Variants in GALNTL6 observed in about 807,000 individuals in gnomAD.
GALNTL6 encodes the protein polypeptide N-acetylgalactosaminyltransferase like 6.
GALNTL6 carries 46 observed loss-of-function variants against 73.7 expected under a neutral mutation model. The ratio of observed to expected loss-of-function variants is 0.62; its 90% CI spans 0.49 to 0.80. The LOEUF is 0.80. Ranked by LOEUF, GALNTL6 falls within the 30% of genes least tolerant of loss-of-function variation. The pLI is 0.00. For missense variants in GALNTL6, 604 were observed against 755.0 expected (o/e 0.80, Z 2.34); for synonymous variants, 259 against 263.7 (o/e 0.98, Z 0.17).
At chr4:172,955,766 G>A (rs1479262004) in intron 10 of GALNTL6, among the ~76,000 whole-genome samples, 1 of 152,104 alleles carries the variant, frequency 6.6e-6, no homozygotes, top group Non-Finnish European at 1.5e-5. Flanking sequence ...AAGGGAGATA[G>A]GGGTGGGGCC....
At chr4:172,605,816 G>A (rs530288396) in intron 5 of GALNTL6, among the ~76,000 whole-genome samples, 25 of 152,086 alleles carry the variant, frequency 1.6e-4, no homozygotes, top group Admixed American at 1.1e-3. Context: ...GATTTAATAC[G>A]TGAAGCAAAT....
At chr4:172,887,573 TTTA>T (rs1452918990) in intron 8 of GALNTL6, among the ~76,000 whole-genome samples, 30 of 150,060 alleles carry the variant, frequency 2.0e-4, no homozygotes, top group African/African-American at 7.3e-4. Context: ...TATTTATTTA[TTTA>T]TTTTTGAGAT....
At chr4:172,181,004 A>G (rs978186337) in intron 2 of GALNTL6, among the ~76,000 whole-genome samples, 25 of 152,124 alleles carry the variant, frequency 1.6e-4, no homozygotes, top group African/African-American at 4.6e-4. Flanking sequence ...AAGAAAGTCA[A>G]TGGTAGCTTG....
chr4:172,120,074 A>G (rs1185163514), intron 2 of GALNTL6, among the ~76,000 whole-genome samples: 1 of 152,212 alleles, frequency 6.6e-6, no homozygotes, highest in Non-Finnish European at 1.5e-5. Flanking sequence ...CAACGTATTG[A>G]GGATTTCTTC....
chr4:172,020,877 G>A (rs1741376168), intron 2 of GALNTL6, among the ~76,000 whole-genome samples: 1 of 151,982 alleles, frequency 6.6e-6, no homozygotes, highest in Non-Finnish European at 1.5e-5. Context: ...CCAACACCCT[G>A]ATAAATATTG....
intron 11 of GALNTL6, 101 bp from the exon 12 acceptor site, chr4:173,021,375 G>A (rs1257929145): frequency 2.5e-6 from 3 of 1,190,778 alleles, no homozygotes; most frequent in Non-Finnish European, 3.6e-6. Flanking sequence ...AGATCACAAA[G>A]CAGGAGTTCT....
intron 5 of GALNTL6, among the ~76,000 whole-genome samples, chr4:172,649,472 G>A (rs1740381611): frequency 6.6e-6 from 1 of 152,142 alleles, no homozygotes; most frequent in East Asian, 1.9e-4. Context: ...AAAAGAAACT[G>A]CCTGTATTTC....
At chr4:172,481,643 T>A (rs571415631) in intron 5 of GALNTL6, among the ~76,000 whole-genome samples, 1 of 152,282 alleles carries the variant, frequency 6.6e-6, no homozygotes, top group South Asian at 2.1e-4. Flanking sequence ...ATATTTACAA[T>A]CGTCTAGCTA....
chr4:172,639,614 T>G (rs1424151796), intron 5 of GALNTL6, among the ~76,000 whole-genome samples: 2 of 152,116 alleles, frequency 1.3e-5, no homozygotes, highest in African/African-American at 4.8e-5. Flanking sequence ...ATTATTACTT[T>G]ACAACTCTTC....
chr4:172,628,795 A>T (rs1739270618), intron 5 of GALNTL6, among the ~76,000 whole-genome samples: 1 of 152,188 alleles, frequency 6.6e-6, no homozygotes, highest in Admixed American at 6.5e-5. Flanking sequence ...AAAAACAAAG[A>T]TTTCATAGCA....
At chr4:172,377,121 C>G (rs1743060739) in intron 5 of GALNTL6, among the ~76,000 whole-genome samples, 2 of 152,108 alleles carry the variant, frequency 1.3e-5, no homozygotes, top group African/African-American at 4.8e-5. Flanking sequence ...TTATCTGGCC[C>G]CAAACACATC....
At chr4:173,030,378 T>C (rs1753407270) in intron 12 of GALNTL6, among the ~76,000 whole-genome samples, 1 of 152,104 alleles carries the variant, frequency 6.6e-6, no homozygotes, top group African/African-American at 2.4e-5. Flanking sequence ...CTTTTGCCAT[T>C]TCAACTTAGC....
intron 2 of GALNTL6, among the ~76,000 whole-genome samples, chr4:172,070,754 T>A (rs1229857815): frequency 9.1e-6 from 1 of 110,414 alleles, no homozygotes; most frequent in Non-Finnish European, 2.0e-5. Flanking sequence ...AAAAGATCTC[T>A]GTTAATTCAT....
chr4:172,805,768 A>C (rs1417616108), intron 5 of GALNTL6, among the ~76,000 whole-genome samples: 2 of 152,188 alleles, frequency 1.3e-5, no homozygotes, highest in Non-Finnish European at 2.9e-5. Context: ...AAATGAATCT[A>C]AACCCTCTCC....
chr4:172,850,068 T>A (rs1043591795), intron 7 of GALNTL6, among the ~76,000 whole-genome samples: 2 of 151,932 alleles, frequency 1.3e-5, no homozygotes, highest in African/African-American at 2.4e-5. Context: ...GGTTTGGGAG[T>A]TTTTTAGGCA....
intron 3 of GALNTL6, among the ~76,000 whole-genome samples, chr4:172,307,899 A>G (rs894076260): frequency 6.1e-5 from 9 of 147,664 alleles, no homozygotes; most frequent in Admixed American, 2.7e-4. Flanking sequence ...GAAGAATTAT[A>G]GTATTTTGAT....
At chr4:173,001,953 T>C (rs1007393380) in intron 10 of GALNTL6, among the ~76,000 whole-genome samples, 4 of 152,230 alleles carry the variant, frequency 2.6e-5, no homozygotes, top group African/African-American at 7.2e-5. Flanking sequence ...GAAAACACTT[T>C]CATGGTTCCT....
At chr4:172,938,423 A>C (rs1000257881) in intron 9 of GALNTL6, among the ~76,000 whole-genome samples, 3 of 152,362 alleles carry the variant, frequency 2.0e-5, no homozygotes, top group South Asian at 2.1e-4. Context: ...AAAAGAGCAC[A>C]ATGTCAGGCA....
At chr4:171,872,792 T>C (rs1736174223) in intron 2 of GALNTL6, among the ~76,000 whole-genome samples, 1 of 152,208 alleles carries the variant, frequency 6.6e-6, no homozygotes, top group African/African-American at 2.4e-5. Context: ...TTAACTTGAA[T>C]ACCTTTGTAA....
Sources: gnomAD v4.1 joint callset for allele counts (sites outside exome capture counted in the v4.1 genomes callset) on GRCh38, gnomAD v4.1.1 for gene constraint, MANE v1.5 for transcripts, NCBI Gene and HGNC (gene_info 2026-07-23, HGNC 2026-07-21) for gene names.